The following RASAL2 variants were observed in gnomAD, a reference collection of about 807,000 sequenced individuals.
RASAL2 encodes the protein RAS protein activator like 2.
A neutral mutation model predicts 128.9 loss-of-function variants in RASAL2; 58 were observed. The observed-to-expected ratio is 0.45, with a 90% CI of 0.36 to 0.56. The LOEUF (loss-of-function observed/expected upper bound fraction) is 0.56. Among genes scored for constraint, RASAL2 ranks in the 20% least tolerant of loss-of-function variants. The probability of loss-of-function intolerance (pLI) is 0.00; values close to 1 mark genes in which losing one functional copy is unlikely to be tolerated. For missense variants in RASAL2, 1,360 were observed against 1,601.6 expected (o/e 0.85, Z 2.57); for synonymous variants, 561 against 580.8 (o/e 0.97, Z 0.49).
intron 4 of RASAL2, among the ~76,000 whole-genome samples, chr1:178,400,222 G>A (rs1557958906): frequency 6.6e-6 from 1 of 152,244 alleles, no homozygotes; most frequent in East Asian, 1.9e-4. Flanking sequence ...ATTTCCTAAT[G>A]CTCAGTATCC....
chr1:178,284,448 G>C (rs923515165), intron 2 of RASAL2, among the ~76,000 whole-genome samples: 5 of 152,214 alleles, frequency 3.3e-5, no homozygotes, highest in African/African-American at 1.2e-4. Flanking sequence ...CCTGAAACAT[G>C]TAACAAGGTC....
chr1:178,207,397 G>A (rs1663090639), intron 1 of RASAL2, among the ~76,000 whole-genome samples: 1 of 151,982 alleles, frequency 6.6e-6, no homozygotes, highest in African/African-American at 2.4e-5. Context: ...ACAAAATACG[G>A]TATAAGAACT....
chr1:178,111,418 A>G (rs1659318637), intron 1 of RASAL2, among the ~76,000 whole-genome samples: 1 of 152,148 alleles, frequency 6.6e-6, no homozygotes, highest in East Asian at 1.9e-4. Context: ...CTTGTTTAAT[A>G]TTTTAAGAAA....
intron 1 of RASAL2, among the ~76,000 whole-genome samples, chr1:178,184,336 T>C (rs1283530114): frequency 6.6e-6 from 1 of 152,064 alleles, no homozygotes; most frequent in Admixed American, 6.5e-5. Flanking sequence ...TGGAGTATGC[T>C]TTTGGTGTTA....
chr1:178,413,773 A>T (rs912254505), intron 4 of RASAL2, among the ~76,000 whole-genome samples: 1 of 152,224 alleles, frequency 6.6e-6, no homozygotes, highest in African/African-American at 2.4e-5. Context: ...AGCAGATAGC[A>T]TGCAAGAACA....
Position 178,101,058 on chromosome 1 carries a change from A to G in RASAL2, c.202+6364A>G, listed in dbSNP as rs572651816. 2.0e-5 allele frequency among the ~76,000 whole-genome samples: 3 copies of G among 152,330 alleles called. No homozygotes were observed. In the South Asian group the frequency reaches 6.2e-4, roughly 32 times the overall value. On this transcript the variant is annotated intron_variant, in intron 1 of 17. Transcript: ENST00000367649. Reference sequence around the variant, plus strand: ...CAAGTACTTCTTAAGGCTAGCATGTAGAAAACCCTTTTGCAAATTTCATGT... The same window carrying G: ...CAAGTACTTCTTAAGGCTAGCATGTGGAAAACCCTTTTGCAAATTTCATGT...
chr1:178,392,845 A>G (rs981058420), intron 4 of RASAL2, among the ~76,000 whole-genome samples: 2 of 152,224 alleles, frequency 1.3e-5, no homozygotes, highest in Non-Finnish European at 2.9e-5. Flanking sequence ...GGCAGAAAGA[A>G]GAATAACTGT....
chr1:178,261,400 A>G (rs1217594729), intron 1 of RASAL2, among the ~76,000 whole-genome samples: 1 of 152,060 alleles, frequency 6.6e-6, no homozygotes, highest in African/African-American at 2.4e-5. Flanking sequence ...AAGACATACA[A>G]CCTTTTTGAC....
chr1:178,299,872 T>C (rs1667685892), intron 2 of RASAL2, 120 bp from the exon 3 acceptor site: 1 of 982,090 alleles, frequency 1.0e-6, no homozygotes, highest in Middle Eastern at 3.2e-4. Flanking sequence ...ATTTCTATAT[T>C]TCTCCTGCCT....
chr1:178,103,246 T>G (rs1299262821), intron 1 of RASAL2, among the ~76,000 whole-genome samples: 1 of 152,068 alleles, frequency 6.6e-6, no homozygotes, highest in Non-Finnish European at 1.5e-5. Flanking sequence ...TGTAAAGAGG[T>G]ACCTCATTCT....
chr1:178,175,047 A>G (rs956849210), intron 1 of RASAL2, among the ~76,000 whole-genome samples: 2 of 152,180 alleles, frequency 1.3e-5, no homozygotes, highest in African/African-American at 4.8e-5. Context: ...CCTAGATTTT[A>G]GAACTAATGT....
chr1:178,340,304 G>A (rs1669801247), intron 3 of RASAL2, among the ~76,000 whole-genome samples: 1 of 152,148 alleles, frequency 6.6e-6, no homozygotes, highest in South Asian at 2.1e-4. Flanking sequence ...AATGTGGCAG[G>A]TGGAGTCCAC....
At chr1:178,335,552 A>T (rs1571880149) in intron 3 of RASAL2, among the ~76,000 whole-genome samples, 4 of 152,194 alleles carry the variant, frequency 2.6e-5, no homozygotes, top group Admixed American at 2.6e-4. Context: ...CTTAAAACAC[A>T]CACACACTCT....
intron 1 of RASAL2, among the ~76,000 whole-genome samples, chr1:178,189,490 T>C (rs572639716): frequency 2.0e-4 from 31 of 152,316 alleles, no homozygotes; most frequent in Non-Finnish European, 4.1e-4. Flanking sequence ...AATACATTTT[T>C]CTGGAAGCTT....
chr1:178,197,133 G>A (rs1662683320), intron 1 of RASAL2, among the ~76,000 whole-genome samples: 1 of 152,152 alleles, frequency 6.6e-6, no homozygotes, highest in Admixed American at 6.5e-5. Flanking sequence ...GGCCAACATC[G>A]TGAAACGTTG....
At chr1:178,116,592 TA>T (rs1244647513) in intron 1 of RASAL2, among the ~76,000 whole-genome samples, 1 of 152,130 alleles carries the variant, frequency 6.6e-6, no homozygotes, top group African/African-American at 2.4e-5. Flanking sequence ...CAAAGTTTCT[TA>T]ATAGATTGTT....
At chr1:178,218,679 T>G (rs1663511409) in intron 1 of RASAL2, among the ~76,000 whole-genome samples, 1 of 152,138 alleles carries the variant, frequency 6.6e-6, no homozygotes, top group South Asian at 2.1e-4. Flanking sequence ...AGAGCGAGAC[T>G]CCGTCTCAAA....
At chr1:178,261,966 A>G (rs1571731267) in intron 1 of RASAL2, among the ~76,000 whole-genome samples, 1 of 151,604 alleles carries the variant, frequency 6.6e-6, no homozygotes, top group East Asian at 1.9e-4. Context: ...AATCTATATC[A>G]TGAAGTTTTC....
At chr1:178,255,520 G>A (rs1665301053) in intron 1 of RASAL2, among the ~76,000 whole-genome samples, 1 of 151,740 alleles carries the variant, frequency 6.6e-6, no homozygotes, top group South Asian at 2.1e-4. Context: ...AATATTATTG[G>A]GTTTATAATA....
Sources: allele counts gnomAD v4.1 joint callset (sites outside exome capture counted in the v4.1 genomes callset), GRCh38; gene constraint gnomAD v4.1.1; transcripts MANE v1.5; gene names NCBI Gene and HGNC (gene_info 2026-07-23, HGNC 2026-07-21).